The following KALRN variants were observed in gnomAD, a reference collection of about 807,000 sequenced individuals.
KALRN encodes the protein kalirin RhoGEF kinase, also known as kalirin.
KALRN carries 70 observed loss-of-function variants against 353.7 expected under a neutral mutation model. That is an observed-to-expected ratio of 0.20 (90% CI 0.16 to 0.24). KALRN has a LOEUF of 0.24. Among genes scored for constraint, KALRN ranks in the 10% least tolerant of loss-of-function variants. The pLI, the probability that KALRN is intolerant of heterozygous loss-of-function variation, is 1.00. For missense variants in KALRN, 2,791 were observed against 3,756.7 expected (o/e 0.74, Z 6.72); for synonymous variants, 1,391 against 1,434.8 (o/e 0.97, Z 0.69).
At chr3:124,170,831 C>CTTTTTTTTTTTTT (rs752783614) in intron 1 of KALRN, among the ~76,000 whole-genome samples, 9 of 47,148 alleles carry the variant, frequency 1.9e-4, no homozygotes, top group African/African-American at 4.8e-4. Flanking sequence ...CTTCCACATT[C>CTTTTTTTTTTTTT]TTTTTTTTTT....
intron 33 of KALRN, among the ~76,000 whole-genome samples, chr3:124,540,642 C>T (rs940864296): frequency 6.6e-6 from 1 of 152,206 alleles, no homozygotes; most frequent in African/African-American, 2.4e-5. Flanking sequence ...GTTAAAGTTG[C>T]TTGTCCAAGC....
At chr3:124,677,638 G>T (rs1318611098) in intron 49 of KALRN, 1 of 455,094 alleles carries the variant, frequency 2.2e-6, no homozygotes, top group Non-Finnish European at 4.4e-6. Flanking sequence ...TGTTTATTAA[G>T]CAAATGTCTG....
intron 12 of KALRN, among the ~76,000 whole-genome samples, chr3:124,396,006 G>A (rs890041342): frequency 6.6e-6 from 1 of 152,146 alleles, no homozygotes; most frequent in African/African-American, 2.4e-5. Flanking sequence ...CTAGTTCTCT[G>A]CCCCTGTCAA....
At chr3:124,219,509 C>G (rs1443787643) in intron 1 of KALRN, among the ~76,000 whole-genome samples, 3 of 152,240 alleles carry the variant, frequency 2.0e-5, no homozygotes, top group Admixed American at 6.5e-5. Flanking sequence ...TGGTTGTTGT[C>G]TCAGGTTACA....
chr3:124,232,281 T>G (rs1421975924), intron 2 of KALRN, among the ~76,000 whole-genome samples: 1 of 152,202 alleles, frequency 6.6e-6, no homozygotes, highest in African/African-American at 2.4e-5. Flanking sequence ...CTGAAGCTCA[T>G]GTCCTACCCA....
intron 10 of KALRN, among the ~76,000 whole-genome samples, chr3:124,378,687 T>G (rs1469248409): frequency 8.3e-3 from 1 of 120 alleles, no homozygotes; most frequent in African/African-American, 0.011. Context: ...AGGTTTTGTT[T>G]TTTTTTTTAT....
chr3:124,359,234 A>G (rs1560671327), intron 10 of KALRN, among the ~76,000 whole-genome samples: 1 of 152,176 alleles, frequency 6.6e-6, no homozygotes, highest in Non-Finnish European at 1.5e-5. Context: ...TCTGAAGCAC[A>G]TGTAAGAATG....
At chr3:124,551,475 G>A (rs1363187085) in intron 33 of KALRN, among the ~76,000 whole-genome samples, 1 of 152,204 alleles carries the variant, frequency 6.6e-6, no homozygotes, top group Non-Finnish European at 1.5e-5. Context: ...CAGCACAGCT[G>A]GAGATGGGCT....
chr3:124,649,123 G>A (rs186622582), intron 37 of KALRN, among the ~76,000 whole-genome samples: 142 of 152,242 alleles, frequency 9.3e-4, no homozygotes, highest in African/African-American at 2.4e-3. Flanking sequence ...GTTTGGGGGT[G>A]GGGGAATGGA....
chr3:124,446,738 C>T, intron 20 of KALRN, 25 bp from the exon 21 acceptor site: 1 of 1,613,144 alleles, frequency 6.2e-7, no homozygotes, highest in Non-Finnish European at 8.5e-7. Flanking sequence ...TTTTTGGGGA[C>T]TGGATGAGTT....
chr3:124,490,281 A>T (rs1007469597), intron 29 of KALRN, among the ~76,000 whole-genome samples: 2 of 152,208 alleles, frequency 1.3e-5, no homozygotes, highest in Non-Finnish European at 2.9e-5. Context: ...CATAAAGAGG[A>T]GCTGAAGACA....
At position 124,640,988 on chromosome 3, in the gene KALRN, C is replaced by T. The variant is rs150329392; in HGVS notation, c.5664+3685C>T. Among the ~76,000 whole-genome samples the T allele has an allele frequency of 1.9e-3, 292 of 152,186 alleles. 1 individual carries two copies. Among genetic ancestry groups the T allele is most frequent in the African/African-American group, 6.6e-3 (276 of 41,506 alleles). ...TTTCCGCTTTATTGGTTGCTCAAGC[C>T]GCGGCACGGAATTCTGCTTTAGAAT... On this transcript the variant is annotated intron_variant, in intron 37 of 59. Transcript: ENST00000682506.
At chr3:124,575,826 A>G (rs1006686993) in intron 34 of KALRN, among the ~76,000 whole-genome samples, 15 of 152,130 alleles carry the variant, frequency 9.9e-5, no homozygotes, top group Non-Finnish European at 1.9e-4. Flanking sequence ...CACTGTCCTC[A>G]CCAGAATGAT....
intron 1 of KALRN, among the ~76,000 whole-genome samples, chr3:124,150,358 C>CT (rs900047836): frequency 4.0e-5 from 6 of 151,132 alleles, no homozygotes; most frequent in African/African-American, 7.3e-5. Flanking sequence ...AGCAAATTTT[C>CT]TTTTTTTTTC....
intron 1 of KALRN, among the ~76,000 whole-genome samples, chr3:124,087,688 T>G (rs1421628674): frequency 1.3e-5 from 2 of 152,114 alleles, no homozygotes; most frequent in African/African-American, 4.8e-5. Context: ...CTGGGATAGC[T>G]GGCAGCTCCA....
intron 58 of KALRN, among the ~76,000 whole-genome samples, chr3:124,714,749 C>T (rs1291354780): frequency 6.6e-6 from 1 of 152,198 alleles, no homozygotes; most frequent in Non-Finnish European, 1.5e-5. Flanking sequence ...GGCACGATGG[C>T]TCACGCCTGT....
intron 10 of KALRN, among the ~76,000 whole-genome samples, chr3:124,371,813 A>G (rs991305669): frequency 6.6e-6 from 1 of 152,200 alleles, no homozygotes; most frequent in African/African-American, 2.4e-5. Context: ...AAATTCTTTA[A>G]GTTGTTTTAA....
intron 34 of KALRN, among the ~76,000 whole-genome samples, chr3:124,631,176 G>A (rs1404311255): frequency 3.3e-5 from 5 of 152,022 alleles, no homozygotes; most frequent in African/African-American, 9.7e-5. Context: ...TTGTCCTCTC[G>A]TCTTCCTGCT....
At chr3:124,562,773 C>T in intron 33 of KALRN, 70 bp from the exon 34 acceptor site, 1 of 1,242,432 alleles carries the variant, frequency 8.0e-7, no homozygotes, top group Non-Finnish European at 1.1e-6. Context: ...TCTCACCAAC[C>T]CTCTCCCATA....
Sources: allele counts gnomAD v4.1 joint callset (sites outside exome capture counted in the v4.1 genomes callset), GRCh38; gene constraint gnomAD v4.1.1; transcripts MANE v1.5; gene names NCBI Gene and HGNC (gene_info 2026-07-23, HGNC 2026-07-21).